Variants in MYLK4 observed in about 807,000 individuals in gnomAD.
The protein encoded by MYLK4 is myosin light chain kinase family member 4, also known as caMLCK like.
Under a neutral mutation model 48.1 loss-of-function variants are expected in MYLK4, and 46 were observed. The observed-to-expected ratio is 0.96, with a 90% CI of 0.75 to 1.22. The LOEUF (loss-of-function observed/expected upper bound fraction) is 1.22, where lower values mean the gene tolerates loss of function less well. Among genes scored for constraint, MYLK4 ranks in the 50% most tolerant of loss-of-function variants. The probability of loss-of-function intolerance (pLI) is 0.00; values close to 1 mark genes in which losing one functional copy is unlikely to be tolerated. For synonymous variants in MYLK4, 170 were observed against 180.8 expected (o/e 0.94, Z 0.48); for missense variants, 451 against 486.1 (o/e 0.93, Z 0.68).
chr6:2,714,738 A>G (rs192504795), intron 2 of MYLK4, among the ~76,000 whole-genome samples: 22 of 152,368 alleles, frequency 1.4e-4, no homozygotes, highest in Admixed American at 1.4e-3. Flanking sequence ...ATGGATAAAC[A>G]AGATGTGGTA....
At chr6:2,731,333 G>C (rs544299890) in intron 2 of MYLK4, among the ~76,000 whole-genome samples, 1 of 152,254 alleles carries the variant, frequency 6.6e-6, no homozygotes, top group Admixed American at 6.5e-5. Flanking sequence ...TTGGTGTCTC[G>C]GCTCTGGGGC....
chr6:2,709,272 A>T (rs893371344), intron 2 of MYLK4, among the ~76,000 whole-genome samples: 5 of 152,184 alleles, frequency 3.3e-5, no homozygotes, highest in African/African-American at 1.2e-4. Context: ...AGGATCTCAA[A>T]CTTTACATAT....
the MYLK4 span, among the ~76,000 whole-genome samples, chr6:2,767,977 G>C: frequency 0.24 from 36,637 of 152,138 alleles, 4,845 homozygotes; most frequent in East Asian, 0.41. Flanking sequence ...ATTTGTCACA[G>C]TCATTAAACA....
chr6:2,710,316 G>A (rs1582079153), intron 2 of MYLK4, among the ~76,000 whole-genome samples: 2 of 152,112 alleles, frequency 1.3e-5, no homozygotes, highest in Admixed American at 6.5e-5. Context: ...CCACAGAACT[G>A]ATGTTCATAG....
intron 3 of MYLK4, among the ~76,000 whole-genome samples, 191 bp downstream of exon 3, chr6:2,692,592 AT>A (rs202142273): frequency 0.017 from 2,170 of 124,772 alleles, 54 homozygotes; most frequent in African/African-American, 0.06. Context: ...GTTCCAAAAG[AT>A]TTTCTTGTTT....
At chr6:2,762,478 GA>G in the MYLK4 span, among the ~76,000 whole-genome samples, 1 of 152,104 alleles carries the variant, frequency 6.6e-6, no homozygotes, top group African/African-American at 2.4e-5. Flanking sequence ...AAATTTTTTG[GA>G]TGGGTTAATT....
chr6:2,679,309 CAT>C lies in MYLK4; in HGVS notation c.856_857del (p.Met286ValfsTer12), dbSNP rs1761207346. 2 of 1,614,050 alleles carry C rather than the reference CAT, an allele frequency of 1.2e-6. No homozygotes were observed. Among genetic ancestry groups the C allele is most frequent in the South Asian group, 1.1e-5 (1 of 91,082 alleles). ...NYDFVSFPTDMWSVGVIAYML... is the reference protein window; with the variant it reads ...NYDFVSFPTDXWSVGVIAYML... ...TATAGGCGATGACCCCCACACTCCA[CAT>C]GTCAGTGGGAAATGAAACAAAATCA... On this transcript the variant is annotated frameshift_variant, in exon 9 of 13. Coordinates refer to ENST00000274643, the MANE Select transcript of MYLK4 (RefSeq NM_001012418.5). LOFTEE classifies it high-confidence loss of function.
At chr6:2,704,051 G>T (rs145587407) in intron 2 of MYLK4, among the ~76,000 whole-genome samples, 1 of 152,176 alleles carries the variant, frequency 6.6e-6, no homozygotes, top group Non-Finnish European at 1.5e-5. Context: ...TTATCACACT[G>T]TGTTGAATGA....
In MYLK4 at chr6:2,696,088, T is replaced by C. The variant is rs1032068769; in HGVS notation, c.160-3229A>G. Among the ~76,000 whole-genome samples, 23 of 152,248 alleles carry C rather than the reference T, an allele frequency of 1.5e-4. 1 individual carries two copies. Among genetic ancestry groups the C allele is most frequent in the Admixed American group, 2.6e-4 (4 of 15,292 alleles). ...TGCATATGGATTTCTTTGGAACTAT[T>C]TACCAATTCCTTTTATAATAATTTA... On this transcript the variant is annotated intron_variant, in intron 2 of 12. Coordinates refer to ENST00000274643, the MANE Select transcript of MYLK4 (RefSeq NM_001012418.5).
chr6:2,685,483 C>T lies in MYLK4; in HGVS notation c.435G>A (p.Lys145=). ...GGGGACCACCTCCCACAGGCTGTAC[C>T]TTGTCCTTCATGCCTCTGGTCTTGA... ...KIIKTRGMKD[K]EEVKNEISVM... Residue 145 remains lysine (K), a splice_region_variant and synonymous_variant, in exon 5 of 13, where the codon AAG becomes AAA. Transcript: ENST00000274643. This position sits in a 1 kb window ranked among gnomAD's most constrained non-coding sequence, Gnocchi z 4.5. 3 of 1,614,072 alleles carry T rather than the reference C, an allele frequency of 1.9e-6. No individual in the cohort carries two copies. Among genetic ancestry groups the T allele is most frequent in the Non-Finnish European group, 1.7e-6 (2 of 1,179,976 alleles).
At chr6:2,669,457 C>T (rs1760795438) in intron 12 of MYLK4, among the ~76,000 whole-genome samples, 1 of 152,230 alleles carries the variant, frequency 6.6e-6, no homozygotes. Context: ...TGGCAGCAGG[C>T]CCGCCTTGGA....
intron 3 of MYLK4, among the ~76,000 whole-genome samples, chr6:2,690,656 A>G (rs1484667550): frequency 6.6e-6 from 1 of 151,586 alleles, no homozygotes; most frequent in Non-Finnish European, 1.5e-5. Context: ...GTCCCAGGGA[A>G]TCTCACCACT....
At position 2,673,145 on chromosome 6, in the gene MYLK4, A is replaced by C. The variant is rs1760966826; in HGVS notation, c.1120-1797T>G. ...ACTTTTTAAACTGTACAATGTCATT[A>C]ATTATCTGCTGTGGTTTCTATACTA... On this transcript the variant is annotated intron_variant, in intron 11 of 12. Coordinates refer to ENST00000274643, the MANE Select transcript of MYLK4 (RefSeq NM_001012418.5). This position sits in a 1 kb window ranked among gnomAD's most constrained non-coding sequence, Gnocchi z 4.2. Among the ~76,000 whole-genome samples, 1 of 152,208 alleles carries C rather than the reference A, an allele frequency of 6.6e-6. No homozygotes were observed. Among genetic ancestry groups the C allele is most frequent in the Admixed American group, 6.5e-5 (1 of 15,284 alleles).
intron 2 of MYLK4, among the ~76,000 whole-genome samples, chr6:2,695,679 G>A (rs1269165293): frequency 1.3e-5 from 2 of 152,222 alleles, no homozygotes; most frequent in Admixed American, 1.3e-4. Flanking sequence ...GAACCGAAGA[G>A]TTTCCAACAA....
At chr6:2,678,463 T>C in intron 9 of MYLK4, 91 bp from the exon 10 acceptor site, 2 of 1,388,506 alleles carry the variant, frequency 1.4e-6, no homozygotes, top group Non-Finnish European at 2.0e-6. Context: ...CATTTAAAGG[T>C]GAGAGAAGGA....
upstream of MYLK4, among the ~76,000 whole-genome samples, chr6:2,752,731 A>T (rs1764327471): frequency 6.6e-6 from 1 of 152,204 alleles, no homozygotes; most frequent in Non-Finnish European, 1.5e-5. Flanking sequence ...ATCCACATAT[A>T]GACATTTCCA....
At position 2,686,023 on chromosome 6, in the gene MYLK4, G is replaced by A. The variant is rs553746315; in HGVS notation, c.342-447C>T. On this transcript the variant is annotated intron_variant, in intron 4 of 12. Transcript: ENST00000274643. ...GCGGAGGTTGCAGTGGGCCGAGATC[G>A]CGCCATTGCACTCCAGCCTGGGCGA... 4.0e-5 allele frequency among the ~76,000 whole-genome samples: 6 copies of A among 149,034 alleles called. No individual in the cohort carries two copies. The South Asian group carries it at 1.1e-3, about 26-fold the overall frequency.
intron 10 of MYLK4, among the ~76,000 whole-genome samples, chr6:2,676,729 C>T (rs1341366879): frequency 6.6e-6 from 1 of 152,170 alleles, no homozygotes; most frequent in Non-Finnish European, 1.5e-5. Flanking sequence ...GCACTGGAGC[C>T]CACTGGGCCC....
chr6:2,725,988 C>A (rs114796715), intron 2 of MYLK4, among the ~76,000 whole-genome samples: 84 of 152,280 alleles, frequency 5.5e-4, no homozygotes, highest in African/African-American at 1.9e-3. Context: ...TTTTATATAA[C>A]AAGGTGAGTA....
Sources: gnomAD v4.1 joint callset for allele counts (sites outside exome capture counted in the v4.1 genomes callset) on GRCh38, gnomAD v4.1.1 for gene constraint, Gnocchi (gnomAD v3.1) non-coding constraint, MANE v1.5 for transcripts, NCBI Gene and HGNC (gene_info 2026-07-23, HGNC 2026-07-21) for gene names.